The following QSER1 variants were observed in gnomAD, a reference collection of about 807,000 sequenced individuals.
The protein encoded by QSER1 is glutamine and serine-rich protein 1.
Under a neutral mutation model 158.5 loss-of-function variants are expected in QSER1, and 49 were observed. The ratio of observed to expected loss-of-function variants is 0.31; its 90% CI spans 0.25 to 0.39. The LOEUF is 0.39. Among genes scored for constraint, QSER1 ranks in the 10% least tolerant of loss-of-function variants. The pLI, the probability that QSER1 is intolerant of heterozygous loss-of-function variation, is 1.00. For missense variants in QSER1, 1,754 were observed against 2,010.3 expected (o/e 0.87, Z 2.44); for synonymous variants, 650 against 715.5 (o/e 0.91, Z 1.46).
At chr11:32,964,735 T>TACACACACACACACAC (rs1176079108) in intron 8 of QSER1, among the ~76,000 whole-genome samples, 6 of 116,656 alleles carry the variant, frequency 5.1e-5, no homozygotes, top group Non-Finnish European at 1.1e-4. Context: ...TATATATATA[T>TACACACACACACACAC]ATATACACAC....
chr11:32,968,981 A>G, intron 9 of QSER1, 65 bp from the exon 10 acceptor site: 1 of 865,278 alleles, frequency 1.2e-6, no homozygotes, highest in East Asian at 2.8e-5. Context: ...TTTTGAGAAA[A>G]AGTTGGATTT....
chr11:32,895,334 C>G (rs570487249), intron 1 of QSER1, among the ~76,000 whole-genome samples: 1 of 152,126 alleles, frequency 6.6e-6, no homozygotes, highest in Admixed American at 6.5e-5. Flanking sequence ...GGTTTACCCC[C>G]CTCCCCCGCC....
At position 32,976,650 on chromosome 11, in the gene QSER1, C is replaced by A; in HGVS notation, c.*176C>A. 1.6e-6 allele frequency: 1 copy of A among 631,516 alleles called. No individual in the cohort carries two copies. The highest frequency in any genetic ancestry group is 2.7e-6 in the Non-Finnish European group (1 of 371,552). The allele number at this position is 631,516 out of a possible 1,614,324, so 39.1% of individuals were successfully genotyped here. On this transcript the variant is annotated 3_prime_UTR_variant, in exon 13 of 13. Transcript: ENST00000650167. ...TGCGGCCTTTAGGAACGAAGTTAGT[C>A]CTCTGGAAATGGACCTAAATCCCAC... is the stretch of plus-strand genomic sequence containing the variant.
At chr11:32,941,663 G>A (rs1329934602) in intron 4 of QSER1, among the ~76,000 whole-genome samples, 1 of 152,156 alleles carries the variant, frequency 6.6e-6, no homozygotes, top group South Asian at 2.1e-4. Context: ...CCAAGTCTTT[G>A]CCATTCTGAA....
At chr11:32,944,498 G>A (rs1417917445) in intron 4 of QSER1, among the ~76,000 whole-genome samples, 1 of 151,994 alleles carries the variant, frequency 6.6e-6, no homozygotes, top group African/African-American at 2.4e-5. Context: ...TATGTACCCA[G>A]TAGTCATTCA....
rs1020999560 is a variant in QSER1, at chr11:32,979,299, A to C, written c.*2825A>C. On this transcript the variant is annotated 3_prime_UTR_variant, in exon 13 of 13. Coordinates refer to ENST00000650167, the MANE Select transcript of QSER1 (RefSeq NM_001076786.3). The stretch of plus-strand genomic sequence containing the variant: ...GGTAAAGCACATGTTGCCACAACCC[A>C]GGAAAGTATTTTTAAGAAAGATTGG... The C allele has an allele frequency of 6.6e-6, 1 of 152,656 alleles. No homozygotes were observed. Among genetic ancestry groups the C allele is most frequent in the Non-Finnish European group, 1.5e-5 (1 of 68,042 alleles). 9.5% of individuals were successfully genotyped at this position (152,656 alleles called of 1,614,324 possible). A position where few individuals can be genotyped will look rare whatever the true frequency, so the allele number is the denominator to read the frequency against.
At chr11:32,909,826 G>A (rs1851743785) in intron 1 of QSER1, among the ~76,000 whole-genome samples, 1 of 152,206 alleles carries the variant, frequency 6.6e-6, no homozygotes, top group African/African-American at 2.4e-5. Context: ...TATGGGGGGG[G>A]TGTGGTCATG....
chr11:32,952,768 A>G (rs1432112959), intron 4 of QSER1, among the ~76,000 whole-genome samples: 1 of 126,890 alleles, frequency 7.9e-6, no homozygotes, highest in East Asian at 2.3e-4. Context: ...TTTACTTTGT[A>G]TTGGGGTATT....
intron 12 of QSER1, 77 bp downstream of exon 12, chr11:32,975,420 T>G: frequency 6.3e-7 from 1 of 1,581,092 alleles, no homozygotes; most frequent in Non-Finnish European, 8.6e-7. Context: ...TTTTGGAGTG[T>G]TTTAAAGAGA....
At chr11:32,957,530 CA>C (rs1357241298) in intron 7 of QSER1, among the ~76,000 whole-genome samples, 1 of 152,094 alleles carries the variant, frequency 6.6e-6, no homozygotes, top group East Asian at 1.9e-4. Context: ...TTATAACATT[CA>C]TTACCTTCCT....
chr11:32,940,276 C>T (rs767029740), intron 4 of QSER1, among the ~76,000 whole-genome samples: 1 of 152,152 alleles, frequency 6.6e-6, no homozygotes, highest in Non-Finnish European at 1.5e-5. Flanking sequence ...TTTACCCATT[C>T]CTCTGGCCAG....
At chr11:32,973,621 A>G in intron 11 of QSER1, 72 bp downstream of exon 11, 1 of 1,378,464 alleles carries the variant, frequency 7.3e-7, no homozygotes, top group Non-Finnish European at 9.9e-7. Flanking sequence ...TAAAACATTG[A>G]AACAAGCAAA....
At chr11:32,961,644 T>G (rs1214795173) in intron 8 of QSER1, among the ~76,000 whole-genome samples, 1 of 152,204 alleles carries the variant, frequency 6.6e-6, no homozygotes, top group Non-Finnish European at 1.5e-5. Context: ...CTCTAGCTAC[T>G]GGTAACCTCT....
At chr11:32,909,608 T>A (rs1851739279) in intron 1 of QSER1, among the ~76,000 whole-genome samples, 2 of 152,016 alleles carry the variant, frequency 1.3e-5, no homozygotes, top group African/African-American at 4.8e-5. Flanking sequence ...CCTGGCCAGT[T>A]TTTTTGTATT....
At position 32,953,918 on chromosome 11, in the gene QSER1, C is replaced by T. The variant is rs1040390736; in HGVS notation, c.4239C>T (p.Ser1413=). 11 of 1,614,070 alleles carry T rather than the reference C, an allele frequency of 6.8e-6. No homozygotes were observed. The highest frequency in any genetic ancestry group is 1.6e-4 in the Middle Eastern group (1 of 6,084). Residue 1413 remains serine, a synonymous_variant, in exon 5 of 13, where the codon TCC becomes TCT. Transcript: ENST00000650167. The stretch of plus-strand genomic sequence containing the variant: ...ATACTACTGGTACTGCTACTACTTC[C>T]TCAACCACTGTGGGTGCAGTTAAGC... ...TANTTGTATT[S]STTVGAVKQE... is the part of the protein sequence containing the mutation.
At position 32,957,991 on chromosome 11, in the gene QSER1, C is replaced by G; in HGVS notation, c.4874C>G (p.Pro1625Arg). Reference sequence around the variant, plus strand: ...AAACAGCCAAAAGTAAAGGCTGAGCCACCACCAAAGAAACGGAAAAAATGG... The same window carrying G: ...AAACAGCCAAAAGTAAAGGCTGAGCGACCACCAAAGAAACGGAAAAAATGG... The part of the protein sequence containing the change: ...KVKQPKVKAE[P>R]PPKKRKKWKE... The change falls in exon 8 of 13, where the codon CCA (proline) becomes CGA (arginine). Residue 1625 changes from proline to arginine, a missense_variant. Around this residue, in one of 2 missense-constraint regions of QSER1, gnomAD observed 1,707 missense variants for 1,919.6 expected, o/e 0.89. Transcript: ENST00000650167. 2 of 1,614,082 alleles carry G rather than the reference C, an allele frequency of 1.2e-6. No homozygotes were observed. Among genetic ancestry groups the G allele is most frequent in the Non-Finnish European group, 1.7e-6 (2 of 1,180,004 alleles).
intron 12 of QSER1, chr11:32,975,647 T>A (rs1852963522): frequency 8.4e-7 from 1 of 1,196,574 alleles, no homozygotes; most frequent in Non-Finnish European, 1.1e-6. Flanking sequence ...TCTCTCACAG[T>A]GTATGATGAT....
intron 8 of QSER1, among the ~76,000 whole-genome samples, chr11:32,964,085 ACTTCAGGCCCCCAAG>A (rs1852679352): frequency 6.6e-6 from 1 of 151,874 alleles, no homozygotes; most frequent in African/African-American, 2.4e-5. Flanking sequence ...CAGTCCTCCT[ACTTCAGGCCCCCAAG>A]CAGCTAGTAC....
intron 11 of QSER1, among the ~76,000 whole-genome samples, chr11:32,974,066 T>C (rs1252106277): frequency 6.6e-6 from 1 of 152,216 alleles, no homozygotes; most frequent in Non-Finnish European, 1.5e-5. Context: ...TCTTCAAACA[T>C]AGTATAAATT....
Sources: gnomAD v4.1 joint callset for allele counts (sites outside exome capture counted in the v4.1 genomes callset) on GRCh38, gnomAD v4.1.1 for gene constraint, gnomAD v4.1.1 regional missense constraint, MANE v1.5 for transcripts, NCBI Gene and HGNC (gene_info 2026-07-23, HGNC 2026-07-21) for gene names.